Variants in NRXN3 observed in about 807,000 individuals in gnomAD.
NRXN3 encodes neurexin III.
Under a neutral mutation model 137.6 loss-of-function variants are expected in NRXN3, and 32 were observed. The ratio of observed to expected loss-of-function variants is 0.23; its 90% CI spans 0.18 to 0.31. NRXN3 has a LOEUF of 0.31. Among genes scored for constraint, NRXN3 ranks in the 10% least tolerant of loss-of-function variants. The pLI, the probability that NRXN3 is intolerant of heterozygous loss-of-function variation, is 1.00. For synonymous variants in NRXN3, 798 were observed against 784.5 expected, an observed-to-expected ratio of 1.02 and a Z score of -0.29; for missense variants, 1,574 against 2,062.5, an observed-to-expected ratio of 0.76 and a Z score of 4.59.
At chr14:78,329,248 A>C (rs761116836) in intron 4 of NRXN3, among the ~76,000 whole-genome samples, 3 of 152,114 alleles carry the variant, frequency 2.0e-5, no homozygotes, top group Non-Finnish European at 2.9e-5. Context: ...TTAAAATCCC[A>C]CTTGCTGTTT....
At chr14:79,283,713 C>T (rs2081685142) in intron 15 of NRXN3, among the ~76,000 whole-genome samples, 1 of 151,648 alleles carries the variant, frequency 6.6e-6, no homozygotes, top group African/African-American at 2.4e-5. Context: ...GGCTCTTCCC[C>T]ATTCTGTTAG....
intron 4 of NRXN3, among the ~76,000 whole-genome samples, chr14:78,343,078 T>G (rs1215792860): frequency 6.6e-6 from 1 of 152,188 alleles, no homozygotes; most frequent in Non-Finnish European, 1.5e-5. Context: ...TCACCCTAGA[T>G]CTACTGAATC....
chr14:78,411,961 AT>A (rs2092857486), intron 4 of NRXN3, among the ~76,000 whole-genome samples: 1 of 152,210 alleles, frequency 6.6e-6, no homozygotes, highest in Non-Finnish European at 1.5e-5. Context: ...ATCATTGCTA[AT>A]GGTATTCCCT....
At chr14:79,566,651 C>T (rs1462322256) in intron 16 of NRXN3, among the ~76,000 whole-genome samples, 1 of 152,022 alleles carries the variant, frequency 6.6e-6, no homozygotes, top group Non-Finnish European at 1.5e-5. Context: ...TGATGTAATC[C>T]AATTTGAACA....
chr14:78,203,803 GGTGT>G (rs3059003), intron 1 of NRXN3, among the ~76,000 whole-genome samples: 3,026 of 133,968 alleles, frequency 0.023, 64 homozygotes, highest in East Asian at 0.051. Context: ...GATCCTTCCA[GGTGT>G]GTGTGTGTGT....
chr14:78,173,708 G>GTTTTTT (rs1296589683), intron 1 of NRXN3, among the ~76,000 whole-genome samples: 1 of 8,984 alleles, frequency 1.1e-4, no homozygotes, highest in Admixed American at 9.7e-4. Flanking sequence ...CTTTTTCCTT[G>GTTTTTT]CTTTTTTTTT....
At chr14:79,503,373 C>T (rs1006648391) in intron 16 of NRXN3, among the ~76,000 whole-genome samples, 1 of 152,144 alleles carries the variant, frequency 6.6e-6, no homozygotes, top group African/African-American at 2.4e-5. Context: ...AAATCCAAAT[C>T]TCCAGACTCT....
chr14:79,255,955 A>G (rs1287373504), intron 15 of NRXN3, among the ~76,000 whole-genome samples: 2 of 152,162 alleles, frequency 1.3e-5, no homozygotes, highest in African/African-American at 4.8e-5. Flanking sequence ...GAGGCTGGGA[A>G]CCCATAACTA....
At chr14:79,346,556 T>C (rs1384033150) in intron 15 of NRXN3, among the ~76,000 whole-genome samples, 1 of 152,198 alleles carries the variant, frequency 6.6e-6, no homozygotes, top group African/African-American at 2.4e-5. Flanking sequence ...AACTCTTTCT[T>C]ACTGCCTGGA....
intron 4 of NRXN3, among the ~76,000 whole-genome samples, chr14:78,348,748 T>C (rs1209814116): frequency 6.6e-6 from 1 of 152,182 alleles, no homozygotes; most frequent in African/African-American, 2.4e-5. Flanking sequence ...GGGGGCGGAA[T>C]CCACCTCTCT....
chr14:78,668,624 A>C (rs2097907593), intron 6 of NRXN3, among the ~76,000 whole-genome samples: 1 of 152,188 alleles, frequency 6.6e-6, no homozygotes, highest in Admixed American at 6.5e-5. Flanking sequence ...CTTCGGTGAC[A>C]AGGAATTATC....
chr14:78,874,959 T>G lies in NRXN3; in HGVS notation c.2275+64615T>G, dbSNP rs113647543. 5.4e-3 allele frequency among the ~76,000 whole-genome samples: 815 copies of G among 152,308 alleles called. 6 individuals are homozygous for G. Among genetic ancestry groups the G allele is most frequent in the Middle Eastern group, 0.017 (5 of 294 alleles). ...CATCAATTAAACTGTGGGACGGACTTTAGAGAGGACAGACTTGAGCACAGG... is the reference window on the plus strand; with the variant it reads ...CATCAATTAAACTGTGGGACGGACTGTAGAGAGGACAGACTTGAGCACAGG... On this transcript the variant is annotated intron_variant, in intron 10 of 20. Coordinates refer to ENST00000335750, the MANE Select transcript of NRXN3 (RefSeq NM_001330195.2).
At position 79,832,132 on chromosome 14, in the gene NRXN3, C is replaced by T. The variant is rs140932781; in HGVS notation, c.4093+26942C>T. Among the ~76,000 whole-genome samples the T allele has an allele frequency of 2.2e-3, 339 of 152,030 alleles. 2 individuals carry two copies. Among genetic ancestry groups the T allele is most frequent in the South Asian group, 9.0e-3 (43 of 4,798 alleles). On this transcript the variant is annotated intron_variant, in intron 20 of 20. Transcript: ENST00000335750. ...ATAATTTCTAGAGTACTTATAATAC[C>T]CAATCCAACATAGTTGTTATACTGT...
intron 16 of NRXN3, among the ~76,000 whole-genome samples, chr14:79,607,292 G>GA (rs2098033120): frequency 6.6e-6 from 1 of 152,144 alleles, no homozygotes; most frequent in African/African-American, 2.4e-5. Context: ...CTTTTCCAAT[G>GA]AAAACACAGG....
intron 19 of NRXN3, among the ~76,000 whole-genome samples, chr14:79,703,159 T>A (rs1371654204): frequency 6.6e-6 from 1 of 152,130 alleles, no homozygotes; most frequent in Admixed American, 6.6e-5. Context: ...TGAGATTTCA[T>A]TCTCAAGCTT....
At chr14:79,578,301 C>T (rs2097683692) in intron 16 of NRXN3, among the ~76,000 whole-genome samples, 1 of 152,184 alleles carries the variant, frequency 6.6e-6, no homozygotes, top group Non-Finnish European at 1.5e-5. Context: ...CTCCAGGCAA[C>T]AGTGTGCGAC....
chr14:78,299,007 A>C (rs2076624241), intron 4 of NRXN3, among the ~76,000 whole-genome samples: 1 of 152,168 alleles, frequency 6.6e-6, no homozygotes. Context: ...TTAGCTGTGG[A>C]AGTGGGCAGT....
chr14:78,727,568 C>G (rs1053435482), intron 8 of NRXN3, among the ~76,000 whole-genome samples: 1 of 152,102 alleles, frequency 6.6e-6, no homozygotes, highest in African/African-American at 2.4e-5. Context: ...CATGGGGAAA[C>G]CCCATCTCTC....
chr14:78,531,110 A>C (rs1016045511), intron 4 of NRXN3, among the ~76,000 whole-genome samples: 2 of 151,884 alleles, frequency 1.3e-5, no homozygotes, highest in Non-Finnish European at 2.9e-5. Context: ...TGCCCCTTTT[A>C]TGGCCATTAC....
Sources: gnomAD v4.1 joint callset for allele counts (sites outside exome capture counted in the v4.1 genomes callset) on GRCh38, gnomAD v4.1.1 for gene constraint, MANE v1.5 for transcripts, NCBI Gene and HGNC (gene_info 2026-07-23, HGNC 2026-07-21) for gene names.